The following PCDHGA4 variants were observed in gnomAD, a reference collection of about 807,000 sequenced individuals.
The protein encoded by PCDHGA4 is protocadherin gamma-A4.
PCDHGA4 carries 38 observed loss-of-function variants against 54.6 expected under a neutral mutation model. That is an observed-to-expected ratio of 0.70 (90% confidence interval 0.54 to 0.91). PCDHGA4 has a LOEUF of 0.91. Among genes scored for constraint, PCDHGA4 ranks in the 40% least tolerant of loss-of-function variants. PCDHGA4 has a pLI of 0.00. For missense variants in PCDHGA4, 1,298 were observed against 1,220.9 expected (o/e 1.06, Z -0.94); for synonymous variants, 511 against 512.9 (o/e 1.00, Z 0.05).
intron 1 of PCDHGA4, among the ~76,000 whole-genome samples, chr5:141,363,365 A>G (rs867687044): frequency 5.3e-5 from 8 of 152,158 alleles, no homozygotes; most frequent in Admixed American, 2.6e-4. Flanking sequence ...ATTTTTTTCA[A>G]TCAAGAGGTT....
At chr5:141,462,206 T>A (rs574863016) in intron 1 of PCDHGA4, among the ~76,000 whole-genome samples, 7 of 152,066 alleles carry the variant, frequency 4.6e-5, no homozygotes, top group African/African-American at 1.7e-4. Flanking sequence ...GTGATCCGCC[T>A]GCCTCGGCCT....
At chr5:141,413,796 G>A in intron 1 of PCDHGA4, 2 of 1,613,190 alleles carry the variant, frequency 1.2e-6, no homozygotes, top group Non-Finnish European at 1.7e-6. Flanking sequence ...TAGATCGCGA[G>A]GAAGAGGCCA....
chr5:141,511,237 T>C lies in PCDHGA4; in HGVS notation c.*64T>C, dbSNP rs886816274. 1.9e-6 allele frequency: 3 copies of C among 1,590,378 alleles called. No homozygotes were observed. The South Asian group carries it at 3.4e-5, about 18-fold the overall frequency. ...CCAACCAGCCCAGCTTCTCCTTACC[T>C]GCACCCAGGCCTCAGAGTTTCAGGG... On this transcript the variant is annotated 3_prime_UTR_variant, in exon 4 of 4. Coordinates refer to ENST00000571252, the MANE Select transcript of PCDHGA4 (RefSeq NM_018917.4).
chr5:141,431,004 G>A lies in PCDHGA4; in HGVS notation c.2515-63803G>A, dbSNP rs569594120. The A allele has an allele frequency of 6.2e-7, 1 of 1,614,048 alleles. No homozygotes were observed. The highest frequency in any genetic ancestry group is 1.1e-5 in the South Asian group (1 of 91,074). On this transcript the variant is annotated intron_variant, in intron 1 of 3. Coordinates refer to ENST00000571252, the MANE Select transcript of PCDHGA4 (RefSeq NM_018917.4). The surrounding 1 kb of genome is among the most constrained non-coding windows in gnomAD (Gnocchi z 4.8). ...CTTTTCGCCCTGAATCCGCGCAGCG[G>A]CAGCTTGGTCACGGCGGGCAGGATA... is the stretch of plus-strand genomic sequence containing the variant.
chr5:141,400,727 G>A (rs2094067426), intron 1 of PCDHGA4: 2 of 649,836 alleles, frequency 3.1e-6, no homozygotes, highest in African/African-American at 1.8e-5. Flanking sequence ...GATTTACAAA[G>A]TAGTGAGAGT....
chr5:141,491,857 G>A lies in PCDHGA4; in HGVS notation c.2515-2950G>A. Reference sequence around the variant, plus strand: ...CTCGGGATCATTGGACCGTTTGCGCGAAACCAGAGTGGCCGATTAAGGGAT... The same window carrying A: ...CTCGGGATCATTGGACCGTTTGCGCAAAACCAGAGTGGCCGATTAAGGGAT... On this transcript the variant is annotated intron_variant, in intron 1 of 3. Transcript: ENST00000571252. This position sits in a 1 kb window ranked among gnomAD's most constrained non-coding sequence, Gnocchi z 6.9. The A allele has an allele frequency of 6.9e-7, 1 of 1,457,470 alleles. No homozygotes were observed. The highest frequency in any genetic ancestry group is 1.5e-5 in the South Asian group (1 of 68,508). The allele number at this position is 1,457,470 out of a possible 1,614,324, so 90.3% of individuals were successfully genotyped here. A position where few individuals can be genotyped will look rare whatever the true frequency, so the allele number is the denominator to read the frequency against.
chr5:141,398,985 A>T, intron 1 of PCDHGA4: 1 of 1,613,964 alleles, frequency 6.2e-7, no homozygotes, highest in Non-Finnish European at 8.5e-7. Flanking sequence ...GAACCGGGCA[A>T]ATCTTTAGTC....
At chr5:141,456,044 C>T (rs1307913066) in intron 1 of PCDHGA4, among the ~76,000 whole-genome samples, 2 of 151,826 alleles carry the variant, frequency 1.3e-5, no homozygotes, top group African/African-American at 2.4e-5. Context: ...ACTACAGGCG[C>T]CCACCACCAC....
At chr5:141,393,021 G>A (rs758868753) in intron 1 of PCDHGA4, 1 of 1,613,850 alleles carries the variant, frequency 6.2e-7, no homozygotes, top group Non-Finnish European at 8.5e-7. Context: ...CGTCTCCAGA[G>A]GTAGGACGCA....
chr5:141,361,847 G>C (rs763425262), intron 1 of PCDHGA4: 9 of 1,612,662 alleles, frequency 5.6e-6, no homozygotes. Flanking sequence ...GGGCCTGATG[G>C]CTCCGCCCTC....
intron 2 of PCDHGA4, 143 bp from the exon 3 acceptor site, chr5:141,505,250 T>C: frequency 2.8e-6 from 4 of 1,439,476 alleles, no homozygotes; most frequent in Non-Finnish European, 9.3e-7. Flanking sequence ...ATTGTAGAAG[T>C]GCCTCCTACC....
intron 1 of PCDHGA4, chr5:141,361,493 AAC>A: frequency 6.2e-7 from 1 of 1,614,036 alleles, no homozygotes; most frequent in Non-Finnish European, 8.5e-7. Flanking sequence ...CCAGTTTTCC[AAC>A]AGACTTCCTA....
At chr5:141,383,674 A>T in intron 1 of PCDHGA4, 1 of 1,614,034 alleles carries the variant, frequency 6.2e-7, no homozygotes, top group Non-Finnish European at 8.5e-7. Context: ...GCCAGTGGGT[A>T]CAAGACTGCT....
rs766431596 is a variant in PCDHGA4 at position 141,422,883 on chromosome 5, C to T, written c.2514+65262C>T. The T allele has an allele frequency of 3.7e-6, 6 of 1,614,124 alleles. No homozygotes were observed. The African/African-American group carries it at 4.0e-5, about 11-fold the overall frequency. Reference sequence around the variant, plus strand: ...GCAGCAACGTGTCGCTGAGCCTGTTCGTGCTGGACCAGAACGACAATGCGC... The same window carrying T: ...GCAGCAACGTGTCGCTGAGCCTGTTTGTGCTGGACCAGAACGACAATGCGC... On this transcript the variant is annotated intron_variant, in intron 1 of 3. Transcript: ENST00000571252.
In PCDHGA4 at chr5:141,494,886, C is replaced by T. The variant is rs1212594477; in HGVS notation, c.2573+21C>T. ...AGCGGGTAGGTGACTGATTCTCCAG[C>T]CCACCCTCTTCTCTGCGGCATTTTC... On this transcript the variant is annotated intron_variant, in intron 2 of 3. Coordinates refer to ENST00000571252, the MANE Select transcript of PCDHGA4 (RefSeq NM_018917.4). 8 of 1,614,010 alleles carry T rather than the reference C, an allele frequency of 5.0e-6. No homozygotes were observed. The Admixed American group carries it at 8.3e-5, about 17-fold the overall frequency.
At chr5:141,478,838 T>C (rs1439577444) in intron 1 of PCDHGA4, 1 of 1,426,484 alleles carries the variant, frequency 7.0e-7, no homozygotes, top group Non-Finnish European at 9.2e-7. Flanking sequence ...TAAGGGATGG[T>C]TAAGCTAAAA....
chr5:141,487,442 G>A lies in PCDHGA4; in HGVS notation c.2515-7365G>A, dbSNP rs749842864. 1 of 1,613,918 alleles carries A rather than the reference G, an allele frequency of 6.2e-7. No homozygotes were observed. Among genetic ancestry groups the A allele is most frequent in the Non-Finnish European group, 8.5e-7 (1 of 1,179,798 alleles). On this transcript the variant is annotated intron_variant, in intron 1 of 3. Coordinates refer to ENST00000571252, the MANE Select transcript of PCDHGA4 (RefSeq NM_018917.4). The surrounding 1 kb of genome is among the most constrained non-coding windows in gnomAD (Gnocchi z 5.0). ...GATCCTCCGAATCCAGCTAGGGTCA[G>A]ATGACCCTATCAAGTTTGTTGATGT...
chr5:141,404,683 GGCACCCCGCTCT>G (rs1306876302), intron 1 of PCDHGA4: 2 of 1,614,070 alleles, frequency 1.2e-6, no homozygotes, highest in Admixed American at 1.7e-5. Context: ...GTGTGGAGCT[GGCACCCCGCTCT>G]GCAGAGCCTG....
At chr5:141,445,249 G>A (rs1337658576) in intron 1 of PCDHGA4, among the ~76,000 whole-genome samples, 2 of 152,170 alleles carry the variant, frequency 1.3e-5, no homozygotes, top group South Asian at 4.1e-4. Flanking sequence ...ACTATATTGT[G>A]TGAGAATATA....
Sources: allele counts gnomAD v4.1 joint callset (sites outside exome capture counted in the v4.1 genomes callset), GRCh38; gene constraint gnomAD v4.1.1; non-coding constraint Gnocchi (gnomAD v3.1); transcripts MANE v1.5; gene names NCBI Gene and HGNC (gene_info 2026-07-23, HGNC 2026-07-21).